The following PDCD6IP variants were observed in gnomAD, a reference collection of about 807,000 sequenced individuals.
The protein encoded by PDCD6IP is programmed cell death 6 interacting protein.
Under a neutral mutation model 103.7 loss-of-function variants are expected in PDCD6IP, and 43 were observed. The ratio of observed to expected loss-of-function variants is 0.41; its 90% CI spans 0.32 to 0.53. The LOEUF (loss-of-function observed/expected upper bound fraction) is 0.53. PDCD6IP is among the 20% of genes least tolerant of loss of function. The pLI is 0.16. For missense variants in PDCD6IP, 871 were observed against 1,036.7 expected, an observed-to-expected ratio of 0.84 and a Z score of 2.20; for synonymous variants, 354 against 378.7, an observed-to-expected ratio of 0.93 and a Z score of 0.76.
intron 10 of PDCD6IP, among the ~76,000 whole-genome samples, chr3:33,843,669 T>A (rs1346274853): frequency 6.6e-6 from 1 of 152,194 alleles, no homozygotes; most frequent in Non-Finnish European, 1.5e-5. Flanking sequence ...TACTATCCTG[T>A]CATCTTATCT....
intron 7 of PDCD6IP, among the ~76,000 whole-genome samples, chr3:33,831,170 C>G (rs1446759104): frequency 1.3e-5 from 2 of 151,940 alleles, no homozygotes; most frequent in African/African-American, 4.8e-5. Flanking sequence ...GAAGATGGAT[C>G]TTCTTGGTCA....
At chr3:33,830,179 G>C (rs1697215661) in intron 7 of PDCD6IP, among the ~76,000 whole-genome samples, 1 of 152,138 alleles carries the variant, frequency 6.6e-6, no homozygotes, top group South Asian at 2.1e-4. Flanking sequence ...TCATGGGAAA[G>C]GATCTCACAG....
At chr3:33,805,720 ATT>A (rs112781385) in intron 1 of PDCD6IP, among the ~76,000 whole-genome samples, 4 of 141,752 alleles carry the variant, frequency 2.8e-5, no homozygotes, top group Non-Finnish European at 3.1e-5. Flanking sequence ...TACCTGGCCA[ATT>A]TTTTTTTTTT....
intron 6 of PDCD6IP, 135 bp from the exon 7 acceptor site, chr3:33,828,718 A>G: frequency 1.3e-6 from 1 of 778,156 alleles, no homozygotes; most frequent in Non-Finnish European, 2.0e-6. Flanking sequence ...ACACCTAATG[A>G]CTAACCTTAA....
At chr3:33,806,895 G>A (rs1224454159) in intron 1 of PDCD6IP, among the ~76,000 whole-genome samples, 7 of 152,172 alleles carry the variant, frequency 4.6e-5, no homozygotes, top group Admixed American at 4.6e-4. Context: ...GCTTTCTTTT[G>A]TAAAGCATTT....
chr3:33,827,292 T>A, intron 6 of PDCD6IP: 1 of 783,758 alleles, frequency 1.3e-6, no homozygotes, highest in Non-Finnish European at 1.5e-6. Context: ...ACTACTTCCT[T>A]CAGAAATGTT....
intron 15 of PDCD6IP, among the ~76,000 whole-genome samples, chr3:33,855,730 T>C (rs1575942768): frequency 2.0e-5 from 3 of 152,262 alleles, no homozygotes; most frequent in Middle Eastern, 3.4e-3. Context: ...AGTAGCACAG[T>C]GCTGATAAAA....
intron 8 of PDCD6IP, among the ~76,000 whole-genome samples, chr3:33,837,900 TAA>T (rs1426881627): frequency 2.6e-5 from 4 of 152,178 alleles, no homozygotes; most frequent in Admixed American, 2.0e-4. Context: ...TCATTCAGTT[TAA>T]TCAACAGATG....
chr3:33,804,872 A>G (rs909850554), intron 1 of PDCD6IP, among the ~76,000 whole-genome samples: 5 of 152,226 alleles, frequency 3.3e-5, no homozygotes, highest in African/African-American at 1.2e-4. Flanking sequence ...CAAAGAATCT[A>G]TGAACTCCAG....
rs559310279 is a variant in PDCD6IP at position 33,865,259 on chromosome 3, C to G, written c.2261C>G (p.Pro754Arg). The G allele has an allele frequency of 6.4e-7, 1 of 1,557,064 alleles. No individual in the cohort carries two copies. The highest frequency in any genetic ancestry group is 1.4e-5 in the African/African-American group (1 of 70,776). The change falls in exon 17 of 18, where the codon CCC becomes CGC. Residue 754 changes from proline to arginine, a missense_variant. Physicochemically the swap from Pro to Arg is moderately radical, Grantham distance 103. This residue lies in a region of PDCD6IP where 202 missense variants were observed against 205.2 expected (regional missense o/e 0.98). Transcript: ENST00000307296. The part of the protein sequence containing the change: ...PRTMPPTKPQ[P>R]PARPPPPVLP... The stretch of plus-strand genomic sequence containing the variant: ...TTCTTATAGCCTACTAAGCCCCAGC[C>G]CCCAGCCAGGCCTCCACCACCTGTG...
chr3:33,814,229 C>A (rs1238298263), intron 3 of PDCD6IP, among the ~76,000 whole-genome samples: 1 of 150,532 alleles, frequency 6.6e-6, no homozygotes, highest in Non-Finnish European at 1.5e-5. Flanking sequence ...ACTGCAACCT[C>A]TGCCTACTGG....
chr3:33,805,956 A>G lies in PDCD6IP; in HGVS notation c.210-6116A>G, dbSNP rs971078323. Among the ~76,000 whole-genome samples, 4 of 151,962 alleles carry G rather than the reference A, an allele frequency of 2.6e-5. No individual in the cohort carries two copies. The East Asian group carries it at 7.8e-4, about 30-fold the overall frequency. Reference sequence around the variant, plus strand: ...GAGACGGGGTTTCACCGTGTTAGCCAGGATGGTGTCGATCTCCTGACCTTG... The same window carrying G: ...GAGACGGGGTTTCACCGTGTTAGCCGGGATGGTGTCGATCTCCTGACCTTG... On this transcript the variant is annotated intron_variant, in intron 1 of 17. Transcript: ENST00000307296.
At chr3:33,812,612 A>G (rs968714571) in intron 2 of PDCD6IP, among the ~76,000 whole-genome samples, 1 of 152,218 alleles carries the variant, frequency 6.6e-6, no homozygotes, top group African/African-American at 2.4e-5. Flanking sequence ...AATTTCTTAT[A>G]GTTTTATTTT....
intron 12 of PDCD6IP, among the ~76,000 whole-genome samples, chr3:33,849,358 G>T (rs1452378812): frequency 6.6e-6 from 1 of 152,036 alleles, no homozygotes; most frequent in African/African-American, 2.4e-5. Context: ...AGTCTTAGAT[G>T]TCACCTCTTC....
chr3:33,836,057 T>C lies in PDCD6IP; in HGVS notation c.848T>C (p.Leu283Pro). 2 of 1,598,456 alleles carry C rather than the reference T, an allele frequency of 1.3e-6. No homozygotes were observed. Among genetic ancestry groups the C allele is most frequent in the Non-Finnish European group, 1.7e-6 (2 of 1,166,128 alleles). ...TTTTCTTTTTAGCATGCAGCAGAAC[T>C]GATTAAAACAGTGGCATCTCGCTAT... ...EIARLQHAAE[L>P]IKTVASRYDE... Residue 283 changes from leucine to proline, a missense_variant, in exon 8 of 18, where the codon CTG becomes CCG. Leu to Pro is a moderately conservative substitution (Grantham distance 98, BLOSUM62 -3). Transcript: ENST00000307296.
intron 7 of PDCD6IP, among the ~76,000 whole-genome samples, chr3:33,830,007 T>G (rs1458916020): frequency 6.6e-6 from 1 of 152,180 alleles, no homozygotes; most frequent in African/African-American, 2.4e-5. Context: ...ATAATGACAT[T>G]AATCTATTCA....
rs764984377 is a variant in PDCD6IP at position 33,836,077 on chromosome 3, C to T, written c.868C>T (p.Arg290Cys). 5.6e-6 allele frequency: 9 copies of T among 1,610,352 alleles called. No individual in the cohort carries two copies. Among genetic ancestry groups the T allele is most frequent in the Middle Eastern group, 1.7e-4 (1 of 6,060 alleles). ...AAELIKTVAS[R>C]YDEYVNVKDF... ...AGAACTGATTAAAACAGTGGCATCT[C>T]GCTATGATGAATATGTTAATGTGAA... Residue 290 changes from arginine to cysteine, a missense_variant, in exon 8 of 18, where the codon CGC (arginine) becomes TGC (cysteine). Physicochemically the swap from Arg to Cys is radical, Grantham distance 180 (BLOSUM62 -3). Transcript: ENST00000307296.
In PDCD6IP at chr3:33,853,145, G is replaced by A. The variant is rs188527160; in HGVS notation, c.1890+409G>A. 2.0e-3 allele frequency among the ~76,000 whole-genome samples: 302 copies of A among 152,136 alleles called. 3 individuals are homozygous for A. Among genetic ancestry groups the A allele is most frequent in the African/African-American group, 6.9e-3 (288 of 41,496 alleles). On this transcript the variant is annotated intron_variant, in intron 13 of 17. Transcript: ENST00000307296. The stretch of plus-strand genomic sequence containing the variant: ...TCACCATGTTAGCCAGGATGGTCTC[G>A]ATCTCCTGACCTCGTGATCCTCCTG...
chr3:33,853,048 C>G (rs942743773), intron 13 of PDCD6IP, among the ~76,000 whole-genome samples: 1 of 151,900 alleles, frequency 6.6e-6, no homozygotes, highest in Non-Finnish European at 1.5e-5. Context: ...TTCAGCCTCC[C>G]GAGTAGCTGG....
Sources: allele counts gnomAD v4.1 joint callset (sites outside exome capture counted in the v4.1 genomes callset), GRCh38; gene constraint gnomAD v4.1.1; regional missense constraint gnomAD v4.1.1; transcripts MANE v1.5; gene names NCBI Gene and HGNC (gene_info 2026-07-23, HGNC 2026-07-21).